The following CFAP69 variants were observed in gnomAD, a reference collection of about 807,000 sequenced individuals.
The protein encoded by CFAP69 is cilia- and flagella-associated protein 69.
In CFAP69, 92 loss-of-function variants were observed where a neutral mutation model predicts 123.0. The ratio of observed to expected loss-of-function variants is 0.75; its 90% confidence interval spans 0.63 to 0.89. The LOEUF is 0.89. Among genes scored for constraint, CFAP69 ranks in the 40% least tolerant of loss-of-function variants. The pLI is 0.00. For missense variants in CFAP69, 1,067 were observed against 1,096.9 expected, an observed-to-expected ratio of 0.97 and a Z score of 0.39; for synonymous variants, 380 against 364.3, an observed-to-expected ratio of 1.04 and a Z score of -0.49.
chr7:90,279,107 T>C (rs1789041585), intron 11 of CFAP69, among the ~76,000 whole-genome samples: 1 of 152,284 alleles, frequency 6.6e-6, no homozygotes, highest in African/African-American at 2.4e-5. Context: ...TTTAAAATAC[T>C]AGGCATGTAA....
At chr7:90,321,661 C>A in the CFAP69 span, among the ~76,000 whole-genome samples, 1 of 152,214 alleles carries the variant, frequency 6.6e-6, no homozygotes, top group Admixed American at 6.5e-5. Flanking sequence ...GAGAAAAATT[C>A]TCTTAAGGCT....
In CFAP69 at chr7:90,286,312, T is replaced by A. The variant is rs763022569; in HGVS notation, c.1569T>A (p.Asn523Lys). Reference protein sequence around the residue: ...GIFKNIISKPNEKEEAIVLEI... With the variant: ...GIFKNIISKPKEKEEAIVLEI... The stretch of plus-strand genomic sequence containing the variant: ...TTAAAAATATAATAAGCAAGCCTAA[T>A]GAAAAGGAAGAAGCCATTGTTTTGG... Residue 523 changes from asparagine (N) to lysine (K), a missense_variant, in exon 14 of 23, where the codon AAT becomes AAA. Transcript: ENST00000389297. The A allele has an allele frequency of 1.1e-4, 183 of 1,606,458 alleles. No individual in the cohort carries two copies. The highest frequency in any genetic ancestry group is 1.5e-4 in the Non-Finnish European group (181 of 1,174,842).
At chr7:90,266,300 G>A (rs1799153510) in intron 5 of CFAP69, 1 of 152,064 alleles carries the variant, frequency 6.6e-6, no homozygotes, top group Non-Finnish European at 1.5e-5. Flanking sequence ...TAGAGTAGGT[G>A]AAGGTGTTGT....
intron 5 of CFAP69, 71 bp from the exon 6 acceptor site, chr7:90,268,215 T>C: frequency 1.1e-6 from 1 of 912,578 alleles, no homozygotes; most frequent in Non-Finnish European, 1.7e-6. Context: ...ATTATTAACA[T>C]TTTATGCCTA....
intron 18 of CFAP69, 65 bp from the exon 19 acceptor site, chr7:90,304,678 GA>G (rs1793306946): frequency 5.0e-5 from 62 of 1,239,254 alleles, no homozygotes; most frequent in Middle Eastern, 2.2e-4. Context: ...TAGATAGATA[GA>G]TAGATAGATT....
At chr7:90,284,268 A>C (rs1414030167) in intron 13 of CFAP69, among the ~76,000 whole-genome samples, 1 of 152,126 alleles carries the variant, frequency 6.6e-6, no homozygotes, top group African/African-American at 2.4e-5. Context: ...GTGTAGTAGT[A>C]ACGTGCTCAA....
rs769199899 is a variant in CFAP69 at position 90,271,732 on chromosome 7, A to C, written c.683-49A>C. Reference sequence around the variant, plus strand: ...TGTCAACTACTTTTGTTTATGTCTAAAAATGTCAATATTGTAAAGCACAAA... The same window carrying C: ...TGTCAACTACTTTTGTTTATGTCTACAAATGTCAATATTGTAAAGCACAAA... On this transcript the variant is annotated intron_variant, in intron 7 of 22. Transcript: ENST00000389297. 5.7e-6 allele frequency: 9 copies of C among 1,591,646 alleles called. No homozygotes were observed. The African/African-American group carries it at 6.8e-5, about 12-fold the overall frequency.
chr7:90,266,482 G>C (rs1483837121), intron 5 of CFAP69, among the ~76,000 whole-genome samples: 1 of 152,096 alleles, frequency 6.6e-6, no homozygotes, highest in Admixed American at 6.5e-5. Flanking sequence ...AAAAAGTGTA[G>C]TTTTTGTTGG....
At chr7:90,315,817 G>T (rs1356936931), downstream of CFAP69, among the ~76,000 whole-genome samples, 3 of 152,192 alleles carry the variant, frequency 2.0e-5, no homozygotes, top group Non-Finnish European at 4.4e-5. Flanking sequence ...TTCTGGCCAG[G>T]CTTGGTGGCT....
At chr7:90,292,403 A>C (rs1453999942) in intron 15 of CFAP69, among the ~76,000 whole-genome samples, 1 of 152,146 alleles carries the variant, frequency 6.6e-6, no homozygotes, top group Non-Finnish European at 1.5e-5. Flanking sequence ...AGTTTTCCCA[A>C]AGGACTTTTA....
intron 8 of CFAP69, 77 bp from the exon 9 acceptor site, chr7:90,273,910 A>T: frequency 8.8e-7 from 1 of 1,140,808 alleles, no homozygotes; most frequent in Non-Finnish European, 1.2e-6. Flanking sequence ...GTTAGGATTT[A>T]AATATATGAA....
intron 16 of CFAP69, among the ~76,000 whole-genome samples, 192 bp from the exon 17 acceptor site, chr7:90,299,675 T>C (rs1792485115): frequency 6.6e-6 from 1 of 152,140 alleles, no homozygotes. Context: ...TCTTTTACTT[T>C]TTATCCTTTT....
chr7:90,247,440 A>G (rs1392807530), intron 1 of CFAP69, among the ~76,000 whole-genome samples: 3 of 152,208 alleles, frequency 2.0e-5, no homozygotes, highest in African/African-American at 7.2e-5. Flanking sequence ...CAACTACTTC[A>G]GTTCATTGTC....
chr7:90,260,197 A>C (rs1798136704), intron 3 of CFAP69, among the ~76,000 whole-genome samples: 1 of 152,184 alleles, frequency 6.6e-6, no homozygotes, highest in Non-Finnish European at 1.5e-5. Flanking sequence ...GAACACCCTG[A>C]AAATGATCTT....
At chr7:90,304,931 T>A (rs1793347974) in intron 19 of CFAP69, 111 bp downstream of exon 19, 1 of 804,728 alleles carries the variant, frequency 1.2e-6, no homozygotes, top group African/African-American at 1.8e-5. Flanking sequence ...CTGTATAGTT[T>A]TTATTTTTCA....
chr7:90,307,152 AC>A, intron 20 of CFAP69, 54 bp downstream of exon 20: 2 of 1,261,846 alleles, frequency 1.6e-6, no homozygotes, highest in Non-Finnish European at 2.3e-6. Flanking sequence ...GTTAATGGGC[AC>A]AAAAATACAG....
Position 90,307,106 on chromosome 7 carries a change from A to C in CFAP69, c.2463+8A>C, listed in dbSNP as rs1793711397. On this transcript the variant is annotated splice_region_variant and intron_variant, in intron 20 of 22. Coordinates refer to ENST00000389297, the MANE Select transcript of CFAP69 (RefSeq NM_001039706.3). ...CAAAAAGTATATGCAAAAGTAAGCT[A>C]CATAGGTAGTGAGGAGGGAGAATGA... 1 of 1,605,676 alleles carries C rather than the reference A, an allele frequency of 6.2e-7. No homozygotes were observed. The highest frequency in any genetic ancestry group is 8.5e-7 in the Non-Finnish European group (1 of 1,176,336).
intron 4 of CFAP69, among the ~76,000 whole-genome samples, chr7:90,263,816 G>A (rs1020625202): frequency 4.6e-5 from 7 of 151,862 alleles, no homozygotes; most frequent in East Asian, 1.9e-4. Flanking sequence ...TTGGCCAAGC[G>A]CGGTGGCTCA....
downstream of CFAP69, among the ~76,000 whole-genome samples, chr7:90,311,481 C>A (rs146928629): frequency 1.7e-3 from 263 of 152,330 alleles, 2 homozygotes; most frequent in African/African-American, 6.1e-3. Flanking sequence ...TATTACCAAT[C>A]TCAAGCTACC....
Sources: gnomAD v4.1 joint callset for allele counts (sites outside exome capture counted in the v4.1 genomes callset) on GRCh38, gnomAD v4.1.1 for gene constraint, MANE v1.5 for transcripts, NCBI Gene and HGNC (gene_info 2026-07-23, HGNC 2026-07-21) for gene names.